GALNT17: variants seen among roughly 807,000 people sequenced by gnomAD.
The protein encoded by GALNT17 is polypeptide N-acetylgalactosaminyltransferase 17, also known as UDP-GalNAc:polypeptide N-acetylgalactosaminyltransferase-like 3.
Under a neutral mutation model 63.7 loss-of-function variants are expected in GALNT17, and 29 were observed. The ratio of observed to expected loss-of-function variants is 0.46; its 90% CI spans 0.34 to 0.62. The LOEUF (loss-of-function observed/expected upper bound fraction) is 0.62. Among genes scored for constraint, GALNT17 ranks in the 20% least tolerant of loss-of-function variants. GALNT17 has a pLI of 0.01. For missense variants in GALNT17, 603 were observed against 799.6 expected (o/e 0.75, Z 2.97); for synonymous variants, 305 against 318.3 (o/e 0.96, Z 0.45).
At chr7:71,546,161 CTTTTTT>C in intron 5 of GALNT17, among the ~76,000 whole-genome samples, 1 of 136,606 alleles carries the variant, frequency 7.3e-6, no homozygotes, top group Non-Finnish European at 1.6e-5. Flanking sequence ...TTGAGGGACA[CTTTTTT>C]TTTTTTTTTT....
At chr7:71,460,094 C>A (rs1456999308) in intron 5 of GALNT17, among the ~76,000 whole-genome samples, 1 of 152,052 alleles carries the variant, frequency 6.6e-6, no homozygotes, top group Non-Finnish European at 1.5e-5. Flanking sequence ...CAAGCTGTAC[C>A]CCGACCACCT....
chr7:71,498,152 A>G (rs1788125673), intron 5 of GALNT17, among the ~76,000 whole-genome samples: 1 of 152,138 alleles, frequency 6.6e-6, no homozygotes, highest in African/African-American at 2.4e-5. Context: ...TACATTTGCT[A>G]CAATGAATTT....
intron 6 of GALNT17, among the ~76,000 whole-genome samples, chr7:71,646,747 C>CTTTTTTTT (rs60956531): frequency 7.8e-6 from 1 of 128,110 alleles, no homozygotes; most frequent in Non-Finnish European, 1.6e-5. Flanking sequence ...TCCAAGTTTC[C>CTTTTTTTT]TTTTTTTTTT....
At position 71,415,910 on chromosome 7, in the gene GALNT17, AG is replaced by A; in HGVS notation, c.613del (p.Glu205SerfsTer11). The A allele has an allele frequency of 6.2e-7, 1 of 1,610,792 alleles. No individual in the cohort carries two copies. The highest frequency in any genetic ancestry group is 8.5e-7 in the Non-Finnish European group (1 of 1,178,514). On this transcript the variant is annotated frameshift_variant, in exon 4 of 11. Transcript: ENST00000333538. LOFTEE classifies it high-confidence loss of function. ...SDEEELKVPL[E>X]EYVHKRYPGL... ...GCAGAGGAGCTGAAGGTCCCCCTAGAGGAGTATGTCCACAAACGCTACCCCG... is the reference window on the plus strand; with the variant it reads ...GCAGAGGAGCTGAAGGTCCCCCTAGAGAGTATGTCCACAAACGCTACCCCG...
At chr7:71,228,763 C>G (rs975310161) in intron 1 of GALNT17, among the ~76,000 whole-genome samples, 5 of 152,150 alleles carry the variant, frequency 3.3e-5, no homozygotes. Flanking sequence ...ATTTTGGGCC[C>G]CTTTGGATAA....
Position 71,555,420 on chromosome 7 carries a change from A to C in GALNT17, c.963-15865A>C, listed in dbSNP as rs75539561. On this transcript the variant is annotated intron_variant, in intron 5 of 10. Transcript: ENST00000333538. ...AGATTCCCCAGGTGATCCTAAAGTG[A>C]GCCAGCAGTGAGCCCAGCAGCTTTG... 6.5e-3 allele frequency among the ~76,000 whole-genome samples: 974 copies of C among 150,336 alleles called. 14 individuals are homozygous for C. The highest frequency in any genetic ancestry group is 0.023 in the African/African-American group (942 of 40,804).
At chr7:71,243,478 G>A (rs1432703875) in intron 1 of GALNT17, among the ~76,000 whole-genome samples, 2 of 151,920 alleles carry the variant, frequency 1.3e-5, no homozygotes, top group East Asian at 3.9e-4. Context: ...ATAACATGTT[G>A]GGCGACCTTA....
chr7:71,174,457 T>A (rs1312951959), intron 1 of GALNT17, among the ~76,000 whole-genome samples: 1 of 152,174 alleles, frequency 6.6e-6, no homozygotes, highest in Non-Finnish European at 1.5e-5. Context: ...GTGTCTCACG[T>A]GTCCGTGTGA....
intron 1 of GALNT17, among the ~76,000 whole-genome samples, chr7:71,305,996 A>G (rs1583846773): frequency 6.6e-6 from 1 of 152,194 alleles, no homozygotes; most frequent in Non-Finnish European, 1.5e-5. Context: ...AGGCAGGCGG[A>G]TCACTTGAGG....
chr7:71,496,572 C>T (rs1044179816), intron 5 of GALNT17, among the ~76,000 whole-genome samples: 3 of 152,130 alleles, frequency 2.0e-5, no homozygotes, highest in Admixed American at 1.3e-4. Flanking sequence ...CCTCCTTCCC[C>T]GAAGCCCAAC....
At chr7:71,532,970 C>T (rs1397581749) in intron 5 of GALNT17, among the ~76,000 whole-genome samples, 1 of 152,096 alleles carries the variant, frequency 6.6e-6, no homozygotes, top group Non-Finnish European at 1.5e-5. Context: ...CCACCTCCAC[C>T]TACAAACCCT....
chr7:71,561,740 G>C (rs1789259552), intron 5 of GALNT17, among the ~76,000 whole-genome samples: 1 of 152,114 alleles, frequency 6.6e-6, no homozygotes, highest in Non-Finnish European at 1.5e-5. Context: ...GGAAAAGCAA[G>C]GGTAAGACAT....
chr7:71,581,497 T>C (rs1031937354), intron 6 of GALNT17, among the ~76,000 whole-genome samples: 46 of 152,122 alleles, frequency 3.0e-4, no homozygotes, highest in African/African-American at 9.7e-4. Context: ...ACTCACTCAC[T>C]ATCATAAGAA....
intron 5 of GALNT17, among the ~76,000 whole-genome samples, chr7:71,569,091 C>T (rs1789395117): frequency 6.6e-6 from 1 of 152,136 alleles, no homozygotes; most frequent in South Asian, 2.1e-4. Flanking sequence ...CCTGCCTCAG[C>T]CTCCCGAGTA....
rs373865438 is a variant in GALNT17 at position 71,411,235 on chromosome 7, C to T, written c.590-4654C>T. On this transcript the variant is annotated intron_variant, in intron 3 of 10. Transcript: ENST00000333538. ...CCCTGGGTTCAAGCGATTCTTCCACCCCAGCCTCTCGAGTAGCTGGGGTTA... is the reference window on the plus strand; with the variant it reads ...CCCTGGGTTCAAGCGATTCTTCCACTCCAGCCTCTCGAGTAGCTGGGGTTA... 3.3e-5 allele frequency among the ~76,000 whole-genome samples: 5 copies of T among 152,200 alleles called. No individual in the cohort carries two copies. The East Asian group carries it at 9.7e-4, about 30-fold the overall frequency.
Position 71,201,255 on chromosome 7 carries a change from A to ATATATATATATATATATATATATAAT in GALNT17, c.238+68217_238+68218insTATATATATATATATATATATAATTA, listed in dbSNP as rs1307446666. 2.9e-4 allele frequency among the ~76,000 whole-genome samples: 44 copies of ATATATATATATATATATATATATAAT among 149,622 alleles called. 1 individual carries two copies. Among genetic ancestry groups the ATATATATATATATATATATATATAAT allele is most frequent in the African/African-American group, 1.1e-3 (43 of 40,486 alleles). ...TGTGTTTATTTTTATATATATATAT[A>ATATATATATATATATATATATATAAT]TAATTTGTGTGTGCATGCGTGTATG... On this transcript the variant is annotated intron_variant, in intron 1 of 10. Transcript: ENST00000333538.
At chr7:71,339,554 GTGGTGCACGC>G (rs978637432) in intron 2 of GALNT17, among the ~76,000 whole-genome samples, 1 of 152,106 alleles carries the variant, frequency 6.6e-6, no homozygotes, top group African/African-American at 2.4e-5. Flanking sequence ...GCGGGGCATG[GTGGTGCACGC>G]CTGTGGTCCC....
chr7:71,573,104 G>A (rs1488004555), intron 6 of GALNT17, among the ~76,000 whole-genome samples: 5 of 151,802 alleles, frequency 3.3e-5, no homozygotes, highest in African/African-American at 1.2e-4. Context: ...CATCTCCCAG[G>A]TTCAAACGAT....
chr7:71,381,004 A>G (rs940383549), intron 2 of GALNT17, among the ~76,000 whole-genome samples: 1 of 151,310 alleles, frequency 6.6e-6, no homozygotes, highest in Non-Finnish European at 1.5e-5. Context: ...TCCGTCACCC[A>G]GGCTGGAGTG....
Sources: gnomAD v4.1 joint callset for allele counts (sites outside exome capture counted in the v4.1 genomes callset) on GRCh38, gnomAD v4.1.1 for gene constraint, MANE v1.5 for transcripts, NCBI Gene and HGNC (gene_info 2026-07-23, HGNC 2026-07-21) for gene names.